The following PDZD2 variants were observed in gnomAD, a reference collection of about 807,000 sequenced individuals.
PDZD2 encodes PDZ domain-containing protein 2.
Under a neutral mutation model 220.7 loss-of-function variants are expected in PDZD2, and 90 were observed. The ratio of observed to expected loss-of-function variants is 0.41; its 90% CI spans 0.34 to 0.49. The LOEUF (loss-of-function observed/expected upper bound fraction) is 0.49. Among genes scored for constraint, PDZD2 ranks in the 20% least tolerant of loss-of-function variants. PDZD2 has a pLI of 0.28. For synonymous variants in PDZD2, 1,375 were observed against 1,450.5 expected, an observed-to-expected ratio of 0.95 and a Z score of 1.18; for missense variants, 3,174 against 3,608.5, an observed-to-expected ratio of 0.88 and a Z score of 3.08.
At chr5:31,890,506 C>T (rs779842790) in intron 2 of PDZD2, among the ~76,000 whole-genome samples, 6 of 152,108 alleles carry the variant, frequency 3.9e-5, no homozygotes, top group Non-Finnish European at 5.9e-5. Context: ...TGGTTCAGAT[C>T]GTGGACTAAT....
chr5:31,689,239 TTGTGTGTG>T (rs70955736), intron 1 of PDZD2, among the ~76,000 whole-genome samples: 6 of 140,056 alleles, frequency 4.3e-5, no homozygotes, highest in East Asian at 2.1e-4. Flanking sequence ...TGGCTAATGT[TTGTGTGTG>T]TGTGTGTGTG....
In PDZD2 at chr5:32,089,078, A is replaced by G. The variant is rs1330172389; in HGVS notation, c.5630A>G (p.Gln1877Arg). 3 of 1,613,926 alleles carry G rather than the reference A, an allele frequency of 1.9e-6. No individual in the cohort carries two copies. Among genetic ancestry groups the G allele is most frequent in the Non-Finnish European group, 2.5e-6 (3 of 1,180,028 alleles). The change falls in exon 20 of 25, where the codon CAG becomes CGG. Residue 1877 changes from glutamine to arginine, a missense_variant. Around this residue, in one of 4 missense-constraint regions of PDZD2, gnomAD observed 1,861 missense variants for 2,001.0 expected, o/e 0.93. Coordinates refer to ENST00000438447, the MANE Select transcript of PDZD2 (RefSeq NM_178140.4). ...GCAGAAATGCTTCTGACTAATGGTCAGAAGGCAAAGTGTGGTCCGAAGCTG... is the reference window on the plus strand; with the variant it reads ...GCAGAAATGCTTCTGACTAATGGTCGGAAGGCAAAGTGTGGTCCGAAGCTG... ...SPAEMLLTNG[Q>R]KAKCGPKLKR...
chr5:32,107,906 C>T (rs1744947790), intron 24 of PDZD2, 63 bp from the exon 25 acceptor site: 2 of 1,128,122 alleles, frequency 1.8e-6, no homozygotes, highest in East Asian at 2.4e-5. Flanking sequence ...TTTTAGTTTA[C>T]TTAGGATTTT....
chr5:31,666,836 A>G (rs1746006649), intron 1 of PDZD2, among the ~76,000 whole-genome samples: 1 of 152,184 alleles, frequency 6.6e-6, no homozygotes, highest in African/African-American at 2.4e-5. Flanking sequence ...ATTAGCAGCC[A>G]TTCAGGAACC....
chr5:31,922,075 A>G lies in PDZD2; in HGVS notation c.477-61080A>G, dbSNP rs116218696. ...TGATTCCCATGGGAAATCTCCTCCA[A>G]TTATTTAGAGAAAATTCTTCTTGTG... is the stretch of plus-strand genomic sequence containing the variant. On this transcript the variant is annotated intron_variant, in intron 2 of 24. Coordinates refer to ENST00000438447, the MANE Select transcript of PDZD2 (RefSeq NM_178140.4). Among the ~76,000 whole-genome samples, 846 of 144,858 alleles carry G rather than the reference A, an allele frequency of 5.8e-3. 3 individuals are homozygous for G. The highest frequency in any genetic ancestry group is 0.021 in the African/African-American group (817 of 38,608).
rs1296984747 is a variant in PDZD2, at chr5:31,639,345, C to G, written c.-453C>G. ...GCGCGGCGGCGGCACCGGTGGTGGCCGCGGTGGCGGCAGCTGCGCGGGGAC... is the reference window on the plus strand; with the variant it reads ...GCGCGGCGGCGGCACCGGTGGTGGCGGCGGTGGCGGCAGCTGCGCGGGGAC... On this transcript the variant is annotated 5_prime_UTR_variant, in exon 1 of 25. Coordinates refer to ENST00000438447, the MANE Select transcript of PDZD2 (RefSeq NM_178140.4). This position sits in a 1 kb window ranked among gnomAD's most constrained non-coding sequence, Gnocchi z 4.1. 6.7e-6 allele frequency: 1 copy of G among 150,052 alleles called. No individual in the cohort carries two copies. Among genetic ancestry groups the G allele is most frequent in the African/African-American group, 2.4e-5 (1 of 41,222 alleles). 9.3% of individuals were successfully genotyped at this position (150,052 alleles called of 1,614,324 possible).
At chr5:32,091,306 A>C in intron 20 of PDZD2, 131 bp downstream of exon 20, 4 of 571,674 alleles carry the variant, frequency 7.0e-6, no homozygotes, top group Non-Finnish European at 1.1e-5. Context: ...TTTTTTTGAG[A>C]TGGAGCATCG....
intron 1 of PDZD2, among the ~76,000 whole-genome samples, chr5:31,729,141 T>C (rs1051580740): frequency 6.7e-6 from 1 of 150,036 alleles, no homozygotes; most frequent in Admixed American, 6.7e-5. Flanking sequence ...TTCAGTCTTG[T>C]TGCCCAGGCT....
In PDZD2 at chr5:31,651,366, C is replaced by T. The variant is rs115418914; in HGVS notation, c.-361+11929C>T. Among the ~76,000 whole-genome samples, 529 of 152,176 alleles carry T rather than the reference C, an allele frequency of 3.5e-3. 2 individuals carry two copies. The highest frequency in any genetic ancestry group is 0.011 in the African/African-American group (463 of 41,504). ...TTGCTATGGTAACCAGAACTTTGCC[C>T]GAGGATTGTGCATGTAAGGTGTCAC... On this transcript the variant is annotated intron_variant, in intron 1 of 24. Transcript: ENST00000438447.
chr5:31,750,038 A>AT (rs1173418143), intron 1 of PDZD2, among the ~76,000 whole-genome samples: 8 of 152,218 alleles, frequency 5.3e-5, no homozygotes, highest in Admixed American at 4.6e-4. Flanking sequence ...GATGCAAATG[A>AT]TTTTTTAAAC....
In PDZD2 at chr5:31,693,980, G is replaced by A. The variant is rs1747256999; in HGVS notation, c.-361+54543G>A. On this transcript the variant is annotated intron_variant, in intron 1 of 24. Coordinates refer to ENST00000438447, the MANE Select transcript of PDZD2 (RefSeq NM_178140.4). Reference sequence around the variant, plus strand: ...ATATGTCAAAGCCCTTTTTGAAATGGATCATCATTAACTGCGTCATAACTG... The same window carrying A: ...ATATGTCAAAGCCCTTTTTGAAATGAATCATCATTAACTGCGTCATAACTG... 2.0e-5 allele frequency among the ~76,000 whole-genome samples: 3 copies of A among 152,178 alleles called. No homozygotes were observed. The South Asian group carries it at 6.2e-4, about 31-fold the overall frequency.
chr5:31,904,084 A>G (rs1212114966), intron 2 of PDZD2, among the ~76,000 whole-genome samples: 1 of 146,394 alleles, frequency 6.8e-6, no homozygotes, highest in Non-Finnish European at 1.5e-5. Context: ...TTTCAACTGT[A>G]TGTGTTTCAA....
intron 2 of PDZD2, among the ~76,000 whole-genome samples, chr5:31,878,554 G>GGTTTTTTTTTT (rs1411853055): frequency 2.5e-5 from 1 of 39,268 alleles, no homozygotes; most frequent in Non-Finnish European, 5.3e-5. Flanking sequence ...GATGACCTCG[G>GGTTTTTTTTTT]CTTTTTTTTT....
intron 2 of PDZD2, among the ~76,000 whole-genome samples, chr5:31,800,191 A>G (rs1000405786): frequency 3.9e-5 from 6 of 152,182 alleles, no homozygotes; most frequent in Admixed American, 2.6e-4. Context: ...GGACTCACAA[A>G]CTCAGAAAAG....
chr5:32,011,900 ACAT>A (rs1208067372), intron 6 of PDZD2, among the ~76,000 whole-genome samples: 2 of 152,154 alleles, frequency 1.3e-5, no homozygotes, highest in African/African-American at 4.8e-5. Flanking sequence ...CACATCATAA[ACAT>A]CATAAGCTTT....
intron 2 of PDZD2, among the ~76,000 whole-genome samples, chr5:31,970,013 C>A (rs10076432): frequency 1.3e-5 from 2 of 152,000 alleles, no homozygotes; most frequent in Non-Finnish European, 2.9e-5. Flanking sequence ...GTTCTCCTGC[C>A]TCAGCCTCCC....
intron 6 of PDZD2, among the ~76,000 whole-genome samples, chr5:32,027,570 AC>A (rs1754770014): frequency 6.6e-6 from 1 of 152,012 alleles, no homozygotes; most frequent in Admixed American, 6.6e-5. Context: ...GCATCTGACA[AC>A]CTCTGATCTA....
intron 2 of PDZD2, among the ~76,000 whole-genome samples, chr5:31,833,554 G>T (rs1756751766): frequency 6.6e-6 from 1 of 150,752 alleles, no homozygotes; most frequent in Admixed American, 6.6e-5. Flanking sequence ...AAAGTGCTGG[G>T]ATTACAGGCA....
At chr5:31,706,638 G>C (rs1456627151) in intron 1 of PDZD2, among the ~76,000 whole-genome samples, 2 of 152,120 alleles carry the variant, frequency 1.3e-5, no homozygotes, top group Non-Finnish European at 2.9e-5. Context: ...GAGGTCAGGA[G>C]ATCGAGACCA....
Sources: allele counts gnomAD v4.1 joint callset (sites outside exome capture counted in the v4.1 genomes callset), GRCh38; gene constraint gnomAD v4.1.1; regional missense constraint gnomAD v4.1.1; non-coding constraint Gnocchi (gnomAD v3.1); transcripts MANE v1.5; gene names NCBI Gene and HGNC (gene_info 2026-07-23, HGNC 2026-07-21).